EYS: variants seen among roughly 807,000 people sequenced by gnomAD.
The protein encoded by EYS is protein eyes shut homolog.
EYS carries 250 observed loss-of-function variants against 282.1 expected under a neutral mutation model. The observed-to-expected ratio is 0.89, with a 90% CI of 0.80 to 0.98. The LOEUF is 0.98. Among genes scored for constraint, EYS ranks in the 50% least tolerant of loss-of-function variants. The pLI is 0.00. For missense variants in EYS, 4,016 were observed against 3,709.0 expected, an observed-to-expected ratio of 1.08 and a Z score of -2.15; for synonymous variants, 1,355 against 1,282.9, an observed-to-expected ratio of 1.06 and a Z score of -1.20.
chr6:65,372,761 G>C (rs1194005465), intron 8 of EYS, among the ~76,000 whole-genome samples: 1 of 151,918 alleles, frequency 6.6e-6, no homozygotes, highest in Non-Finnish European at 1.5e-5. Flanking sequence ...CCATCCTTAT[G>C]CCACTTCAAT....
intron 29 of EYS, among the ~76,000 whole-genome samples, chr6:64,335,715 G>A (rs1582616591): frequency 1.3e-5 from 2 of 152,190 alleles, no homozygotes; most frequent in East Asian, 3.9e-4. Flanking sequence ...AATCTTAAGA[G>A]CTGTGAGACA....
intron 31 of EYS, among the ~76,000 whole-genome samples, chr6:64,120,372 A>G (rs991620587): frequency 6.6e-5 from 10 of 150,598 alleles, no homozygotes; most frequent in African/African-American, 1.9e-4. Flanking sequence ...AAAAAAAAAA[A>G]AAAAAAAAAA....
intron 41 of EYS, among the ~76,000 whole-genome samples, chr6:63,749,387 A>G (rs1769285603): frequency 6.6e-6 from 1 of 152,120 alleles, no homozygotes; most frequent in South Asian, 2.1e-4. Context: ...TTTGCTGAGG[A>G]GTATCTTATG....
intron 2 of EYS, among the ~76,000 whole-genome samples, chr6:65,568,271 A>G (rs931936343): frequency 6.6e-6 from 1 of 151,294 alleles, no homozygotes; most frequent in Non-Finnish European, 1.5e-5. Context: ...CTGTTTTACC[A>G]GAATCTGAGC....
intron 30 of EYS, among the ~76,000 whole-genome samples, chr6:64,268,550 G>A (rs1318789850): frequency 4.6e-5 from 7 of 152,052 alleles, no homozygotes; most frequent in Non-Finnish European, 1.5e-5. Flanking sequence ...CCAGTTGGGG[G>A]GCCATTGCAG....
chr6:64,737,962 C>T (rs957598419), intron 22 of EYS, among the ~76,000 whole-genome samples: 6 of 152,156 alleles, frequency 3.9e-5, no homozygotes, highest in Non-Finnish European at 2.9e-5. Context: ...AACCAACCAT[C>T]GATGCTCAAA....
intron 31 of EYS, among the ~76,000 whole-genome samples, chr6:64,100,874 C>T (rs181807396): frequency 6.6e-6 from 1 of 152,242 alleles, no homozygotes; most frequent in Admixed American, 6.5e-5. Context: ...TAGGCACTCC[C>T]CCTCCTCCAC....
At chr6:65,593,945 A>C (rs1011717613) in intron 2 of EYS, among the ~76,000 whole-genome samples, 1 of 151,960 alleles carries the variant, frequency 6.6e-6, no homozygotes, top group Non-Finnish European at 1.5e-5. Flanking sequence ...CAAACAAGGA[A>C]CTTGGAGCAT....
chr6:63,856,086 T>C lies in EYS; in HGVS notation c.7228+8100A>G, dbSNP rs113862546. Among the ~76,000 whole-genome samples the C allele has an allele frequency of 5.6e-3, 832 of 148,730 alleles. 6 individuals carry two copies. The highest frequency in any genetic ancestry group is 0.019 in the African/African-American group (771 of 40,716). ...CGTTGCTTGCTAACTGGCAGGTGCATCACATTAACATAGCTCTTAAACCAA... is the reference window on the plus strand; with the variant it reads ...CGTTGCTTGCTAACTGGCAGGTGCACCACATTAACATAGCTCTTAAACCAA... On this transcript the variant is annotated intron_variant, in intron 36 of 42. Transcript: ENST00000503581.
intron 22 of EYS, among the ~76,000 whole-genome samples, chr6:64,791,318 C>T (rs1211790454): frequency 6.6e-6 from 1 of 151,826 alleles, no homozygotes; most frequent in Non-Finnish European, 1.5e-5. Flanking sequence ...TGCACACACA[C>T]ACACATACAC....
intron 28 of EYS, among the ~76,000 whole-genome samples, chr6:64,391,651 G>A (rs1175403882): frequency 1.1e-4 from 17 of 152,148 alleles, no homozygotes; most frequent in South Asian, 4.1e-4. Flanking sequence ...GGAACAACCC[G>A]TACCAGCCGC....
chr6:64,921,489 A>G (rs114568955), intron 15 of EYS, among the ~76,000 whole-genome samples: 47 of 152,274 alleles, frequency 3.1e-4, no homozygotes, highest in African/African-American at 1.1e-3. Flanking sequence ...AAATGTCACT[A>G]AAGGGTCACC....
intron 5 of EYS, among the ~76,000 whole-genome samples, chr6:65,477,491 A>G (rs1765454441): frequency 6.6e-6 from 1 of 152,198 alleles, no homozygotes; most frequent in Non-Finnish European, 1.5e-5. Flanking sequence ...AAATCACTGA[A>G]AATGACAAAT....
intron 31 of EYS, among the ~76,000 whole-genome samples, chr6:64,139,477 A>G (rs116693360): frequency 0.017 from 2,600 of 152,288 alleles, 29 homozygotes; most frequent in Non-Finnish European, 0.029. Flanking sequence ...AAAAAAGAAT[A>G]TGAAAGACAT....
intron 33 of EYS, among the ~76,000 whole-genome samples, chr6:64,001,796 A>T (rs1221236313): frequency 6.6e-6 from 1 of 152,248 alleles, no homozygotes; most frequent in African/African-American, 2.4e-5. Flanking sequence ...TAATAAAAAT[A>T]TGCATAGGAT....
At chr6:64,633,401 A>G (rs772912561) in intron 22 of EYS, among the ~76,000 whole-genome samples, 1 of 152,110 alleles carries the variant, frequency 6.6e-6, no homozygotes, top group Non-Finnish European at 1.5e-5. Context: ...CAGTATTTAA[A>G]CTTCATTAAT....
At chr6:64,009,826 T>C (rs1490609779) in intron 33 of EYS, among the ~76,000 whole-genome samples, 1 of 152,226 alleles carries the variant, frequency 6.6e-6, no homozygotes, top group East Asian at 1.9e-4. Context: ...GCCAGAGTTC[T>C]TGCGCTTGTT....
At chr6:64,264,104 A>ACAG (rs937072817) in intron 30 of EYS, among the ~76,000 whole-genome samples, 1 of 151,644 alleles carries the variant, frequency 6.6e-6, no homozygotes, top group African/African-American at 2.4e-5. Flanking sequence ...TAAAAGAAAA[A>ACAG]CAACAACAAA....
chr6:65,207,784 C>A (rs911615883), intron 12 of EYS, among the ~76,000 whole-genome samples: 2 of 151,626 alleles, frequency 1.3e-5, no homozygotes, highest in African/African-American at 4.8e-5. Context: ...GGAAAGGACT[C>A]CCCATTTAAA....
Sources: gnomAD v4.1 joint callset for allele counts (sites outside exome capture counted in the v4.1 genomes callset) on GRCh38, gnomAD v4.1.1 for gene constraint, MANE v1.5 for transcripts, NCBI Gene and HGNC (gene_info 2026-07-23, HGNC 2026-07-21) for gene names.